Variants in CDH2 observed in about 807,000 individuals in gnomAD.
CDH2 encodes the protein cadherin-2.
CDH2 carries 17 observed loss-of-function variants against 92.0 expected under a neutral mutation model. The observed-to-expected ratio is 0.18, with a 90% confidence interval of 0.13 to 0.28. CDH2 has a LOEUF of 0.28. Ranked by LOEUF, CDH2 falls within the 10% of genes least tolerant of loss-of-function variation. The pLI is 1.00. For missense variants in CDH2, 862 were observed against 1,133.1 expected, an observed-to-expected ratio of 0.76 and a Z score of 3.44; for synonymous variants, 419 against 415.9, an observed-to-expected ratio of 1.01 and a Z score of -0.09.
intron 1 of CDH2, among the ~76,000 whole-genome samples, chr18:28,174,925 A>G (rs1172802950): frequency 6.6e-6 from 1 of 152,232 alleles, no homozygotes; most frequent in Non-Finnish European, 1.5e-5. Context: ...TAGTGTTTTT[A>G]AAGTAAGATT....
intron 1 of CDH2, among the ~76,000 whole-genome samples, chr18:28,172,924 A>C (rs1383372142): frequency 1.3e-5 from 2 of 152,176 alleles, no homozygotes; most frequent in Non-Finnish European, 2.9e-5. Context: ...ATAGGATTTA[A>C]AGCAAGATTA....
intron 2 of CDH2, among the ~76,000 whole-genome samples, chr18:28,107,155 T>C (rs1294611394): frequency 1.3e-5 from 2 of 151,966 alleles, no homozygotes; most frequent in Non-Finnish European, 2.9e-5. Flanking sequence ...AAAATCAACG[T>C]TAATCATTTC....
At chr18:27,957,814 A>T (rs1210020925) in intron 15 of CDH2, among the ~76,000 whole-genome samples, 3 of 152,222 alleles carry the variant, frequency 2.0e-5, no homozygotes, top group African/African-American at 7.2e-5. Context: ...CTTACATTAC[A>T]GTAGAACTGA....
chr18:28,060,345 C>A (rs573873458), intron 2 of CDH2, among the ~76,000 whole-genome samples: 212 of 152,114 alleles, frequency 1.4e-3, no homozygotes, highest in Non-Finnish European at 2.7e-3. Flanking sequence ...GCTACCATAC[C>A]CAGCTAATTT....
chr18:28,100,968 C>T (rs1247499137), intron 2 of CDH2, among the ~76,000 whole-genome samples: 1 of 152,124 alleles, frequency 6.6e-6, no homozygotes, highest in Non-Finnish European at 1.5e-5. Context: ...CTGACATATG[C>T]TTTTAAAATG....
At chr18:28,092,811 C>A (rs963272228) in intron 2 of CDH2, among the ~76,000 whole-genome samples, 4 of 152,010 alleles carry the variant, frequency 2.6e-5, no homozygotes, top group Non-Finnish European at 5.9e-5. Flanking sequence ...CATCTGTCCC[C>A]CTATTTTAAC....
At chr18:28,065,226 C>T (rs2014484225) in intron 2 of CDH2, among the ~76,000 whole-genome samples, 2 of 152,208 alleles carry the variant, frequency 1.3e-5, no homozygotes, top group East Asian at 1.9e-4. Context: ...CCCCTGTTGA[C>T]ATTTCATTGT....
chr18:28,022,517 T>C (rs551282516), intron 2 of CDH2, among the ~76,000 whole-genome samples: 2 of 152,206 alleles, frequency 1.3e-5, no homozygotes, highest in Admixed American at 6.6e-5. Context: ...GAAAACTTTA[T>C]TAACAAGAGT....
intron 4 of CDH2, among the ~76,000 whole-genome samples, chr18:28,010,807 G>A (rs952370835): frequency 4.0e-5 from 6 of 151,584 alleles, no homozygotes; most frequent in African/African-American, 1.2e-4. Flanking sequence ...GTAGCACCAC[G>A]CCCAGCTATT....
chr18:27,948,597 AAC>A (rs1465885928), downstream of CDH2, among the ~76,000 whole-genome samples: 2 of 151,892 alleles, frequency 1.3e-5, no homozygotes, highest in Admixed American at 6.6e-5. Flanking sequence ...TAATTAGAAA[AAC>A]ACAAATAACT....
intron 2 of CDH2, among the ~76,000 whole-genome samples, chr18:28,124,694 T>C (rs1483475450): frequency 6.6e-6 from 1 of 152,188 alleles, no homozygotes; most frequent in Non-Finnish European, 1.5e-5. Context: ...ATTTCTTAAC[T>C]CTTTTCAACT....
intron 12 of CDH2, 83 bp from the exon 13 acceptor site, chr18:27,985,316 A>ATGT: frequency 1.2e-6 from 1 of 863,938 alleles, no homozygotes; most frequent in Admixed American, 2.2e-5. Flanking sequence ...GGATGTATTT[A>ATGT]CTACCTAATA....
At chr18:28,023,827 C>A (rs533997177) in intron 2 of CDH2, among the ~76,000 whole-genome samples, 1 of 152,248 alleles carries the variant, frequency 6.6e-6, no homozygotes, top group East Asian at 1.9e-4. Flanking sequence ...GTTGTCACTA[C>A]GATGTGTGAC....
chr18:28,130,111 C>T lies in CDH2; in HGVS notation c.172+17562G>A, dbSNP rs574865525. The stretch of plus-strand genomic sequence containing the variant: ...TGTAGAGCATAAAGAAACTAATTCA[C>T]GTAAAACATTTTCATGTCTAGGATA... On this transcript the variant is annotated intron_variant, in intron 2 of 15. Coordinates refer to ENST00000269141, the MANE Select transcript of CDH2 (RefSeq NM_001792.5). 1.5e-3 allele frequency among the ~76,000 whole-genome samples: 231 copies of T among 152,258 alleles called. 2 individuals carry two copies. The highest frequency in any genetic ancestry group is 0.01 in the Middle Eastern group (3 of 294).
intron 2 of CDH2, among the ~76,000 whole-genome samples, chr18:28,020,548 C>T (rs926487918): frequency 1.3e-5 from 2 of 151,894 alleles, no homozygotes; most frequent in Admixed American, 1.3e-4. Context: ...AAAACATTTT[C>T]CTTATGAATG....
chr18:27,947,127 G>A (rs150633845), downstream of CDH2, among the ~76,000 whole-genome samples: 1,034 of 151,738 alleles, frequency 6.8e-3, 9 homozygotes, highest in Middle Eastern at 0.034. Flanking sequence ...ATTAATTGCC[G>A]TTATGATTGT....
chr18:28,057,287 T>G (rs980808493), intron 2 of CDH2, among the ~76,000 whole-genome samples: 19 of 152,190 alleles, frequency 1.2e-4, no homozygotes, highest in Non-Finnish European at 2.5e-4. Flanking sequence ...GAACAAGAAT[T>G]ATTTAAATAC....
At chr18:27,943,084 G>A (rs1207586888) in intron 6 of CDH2, among the ~76,000 whole-genome samples, 1 of 152,156 alleles carries the variant, frequency 6.6e-6, no homozygotes, top group Non-Finnish European at 1.5e-5. Context: ...CATTCGTAGA[G>A]TTTAGAATGA....
In CDH2 at chr18:27,951,467, G is replaced by T. The variant is rs202156826; in HGVS notation, c.*686C>A. On this transcript the variant is annotated 3_prime_UTR_variant, in exon 16 of 16. Coordinates refer to ENST00000269141, the MANE Select transcript of CDH2 (RefSeq NM_001792.5). ...TATGTACACATACTATTTTTACAGT[G>T]AAGTGGAAAAATACAGAAATAAAAA... 298 of 152,294 alleles carry T rather than the reference G, an allele frequency of 2.0e-3. No homozygotes were observed. Among genetic ancestry groups the T allele is most frequent in the Non-Finnish European group, 3.5e-3 (241 of 68,056 alleles). 9.4% of individuals were successfully genotyped at this position (152,294 alleles called of 1,614,324 possible). A position where few individuals can be genotyped will look rare whatever the true frequency, so the allele number is the denominator to read the frequency against.
Sources: gnomAD v4.1 joint callset for allele counts (sites outside exome capture counted in the v4.1 genomes callset) on GRCh38, gnomAD v4.1.1 for gene constraint, MANE v1.5 for transcripts, NCBI Gene and HGNC (gene_info 2026-07-23, HGNC 2026-07-21) for gene names.